The following CRISP1 variants were observed in gnomAD, a reference collection of about 807,000 sequenced individuals.
CRISP1 encodes cysteine rich secretory protein 1, also known as cysteine-rich secretory protein 1.
In CRISP1, 44 loss-of-function variants were observed where a neutral mutation model predicts 33.1. The ratio of observed to expected loss-of-function variants is 1.33; its 90% confidence interval spans 1.05 to 1.71. The LOEUF (loss-of-function observed/expected upper bound fraction) is 1.71, where lower values mean the gene tolerates loss of function less well. Ranked by LOEUF, CRISP1 falls within the 40% of genes most tolerant of loss-of-function variation. The pLI, the probability that CRISP1 is intolerant of heterozygous loss-of-function variation, is 0.00. For synonymous variants in CRISP1, 103 were observed against 98.7 expected, an observed-to-expected ratio of 1.04 and a Z score of -0.26; for missense variants, 390 against 301.2, an observed-to-expected ratio of 1.29 and a Z score of -2.18.
At chr6:49,850,782 C>T (rs1052975033) in intron 3 of CRISP1, among the ~76,000 whole-genome samples, 3 of 152,048 alleles carry the variant, frequency 2.0e-5, no homozygotes, top group Admixed American at 1.3e-4. Flanking sequence ...AATCTGAAAT[C>T]GGAGGCTATA....
intron 1 of CRISP1, among the ~76,000 whole-genome samples, chr6:49,862,571 C>T (rs1771682302): frequency 6.6e-6 from 1 of 151,856 alleles, no homozygotes; most frequent in Admixed American, 6.6e-5. Flanking sequence ...TTAAAAGCAT[C>T]CAGAAGAAAA....
chr6:49,835,683 A>G (rs1483686604), intron 7 of CRISP1, among the ~76,000 whole-genome samples: 1 of 152,222 alleles, frequency 6.6e-6, no homozygotes, highest in Non-Finnish European at 1.5e-5. Flanking sequence ...TTTTAAGTCC[A>G]ATATAAACAG....
chr6:49,861,953 A>G (rs946224554), intron 1 of CRISP1, among the ~76,000 whole-genome samples: 1 of 152,110 alleles, frequency 6.6e-6, no homozygotes, highest in African/African-American at 2.4e-5. Flanking sequence ...ATCACACTAA[A>G]TGGAGAAAAG....
At chr6:49,835,555 A>G in intron 7 of CRISP1, 112 bp from the exon 8 acceptor site, 1 of 1,040,658 alleles carries the variant, frequency 9.6e-7, no homozygotes, top group South Asian at 1.7e-5. Context: ...ACAATTGCTA[A>G]CTAAATTTAA....
At chr6:49,858,116 G>A (rs958116418) in intron 1 of CRISP1, among the ~76,000 whole-genome samples, 3 of 152,168 alleles carry the variant, frequency 2.0e-5, no homozygotes, top group Non-Finnish European at 4.4e-5. Context: ...CAGCTACAAA[G>A]AAGAGGAGTA....
upstream of CRISP1, among the ~76,000 whole-genome samples, chr6:49,871,384 C>T (rs1016790798): frequency 5.3e-5 from 8 of 152,138 alleles, no homozygotes; most frequent in Non-Finnish European, 1.0e-4. Context: ...GGTCACTCTA[C>T]AGGGAAGTAA....
intron 5 of CRISP1, among the ~76,000 whole-genome samples, chr6:49,842,742 C>G (rs189414750): frequency 4.7e-4 from 71 of 152,192 alleles, no homozygotes; most frequent in African/African-American, 1.7e-3. Flanking sequence ...AAATGAAGTT[C>G]CCATCTCTCA....
intron 1 of CRISP1, among the ~76,000 whole-genome samples, chr6:49,858,933 GT>G (rs1771568893): frequency 1.3e-5 from 2 of 152,054 alleles, no homozygotes; most frequent in Admixed American, 1.3e-4. Flanking sequence ...CAACAGATAA[GT>G]GACATGAAAC....
chr6:49,844,122 C>T (rs1351639053), intron 5 of CRISP1, among the ~76,000 whole-genome samples: 1 of 152,150 alleles, frequency 6.6e-6, no homozygotes, highest in African/African-American at 2.4e-5. Context: ...ATTAGCCCAT[C>T]TATATTGCAG....
intron 1 of CRISP1, among the ~76,000 whole-genome samples, chr6:49,873,472 C>T (rs2127480180): frequency 6.6e-6 from 1 of 152,074 alleles, no homozygotes; most frequent in South Asian, 2.1e-4. Flanking sequence ...ATAAAGCAAC[C>T]ACCCTAAAAT....
intron 5 of CRISP1, among the ~76,000 whole-genome samples, chr6:49,843,180 G>A (rs1241260783): frequency 6.6e-6 from 1 of 152,088 alleles, no homozygotes; most frequent in Non-Finnish European, 1.5e-5. Context: ...TAGCTTTCTA[G>A]ATATTTATTG....
rs114208252 is a variant in CRISP1 at position 49,874,596 on chromosome 6, G to A, written c.-3+2413C>T. Among the ~76,000 whole-genome samples, 444 of 152,006 alleles carry A rather than the reference G, an allele frequency of 2.9e-3. 6 individuals are homozygous for A. The highest frequency in any genetic ancestry group is 9.9e-3 in the African/African-American group (409 of 41,488). On this transcript the variant is annotated intron_variant, in intron 1 of 7. Transcript: ENST00000505118. ...ATACCAAAAATTTGGTAGAGATACA[G>A]CAACGACAACAAAAACTTCAGGTCA...
chr6:49,842,366 T>C (rs1277036796), intron 5 of CRISP1, among the ~76,000 whole-genome samples: 2 of 152,208 alleles, frequency 1.3e-5, no homozygotes, highest in African/African-American at 2.4e-5. Flanking sequence ...GTTCTCTCTC[T>C]ATATTAATTG....
upstream of CRISP1, among the ~76,000 whole-genome samples, chr6:49,870,446 T>G (rs1378777506): frequency 6.6e-6 from 1 of 152,072 alleles, no homozygotes; most frequent in East Asian, 1.9e-4. Flanking sequence ...GGTTGGAAAG[T>G]GAGGGAGCTG....
intron 4 of CRISP1, among the ~76,000 whole-genome samples, chr6:49,847,259 T>C (rs942164852): frequency 6.6e-6 from 1 of 152,186 alleles, no homozygotes; most frequent in Admixed American, 6.5e-5. Flanking sequence ...TAAAATATAA[T>C]GTTTATTCCT....
chr6:49,840,884 CTAA>C lies in CRISP1; in HGVS notation c.533+11_533+13del. 6.3e-7 allele frequency: 1 copy of C among 1,599,382 alleles called. No individual in the cohort carries two copies. Among genetic ancestry groups the C allele is most frequent in the South Asian group, 1.1e-5 (1 of 90,462 alleles). ...TTTAGGGGGATATATATTTTAAAAACTAATAATACATACTCATGACAATAGTGA... is the reference window on the plus strand; with the variant it reads ...TTTAGGGGGATATATATTTTAAAAACTAATACATACTCATGACAATAGTGA... On this transcript the variant is annotated intron_variant, in intron 6 of 7. Transcript: ENST00000335847.
At chr6:49,846,400 A>C in intron 5 of CRISP1, 120 bp downstream of exon 5, 1 of 1,022,124 alleles carries the variant, frequency 9.8e-7, no homozygotes, top group South Asian at 1.7e-5. Flanking sequence ...AGAGGAACTC[A>C]GTAAATTGAG....
chr6:49,849,871 T>C (rs1262387826), intron 3 of CRISP1, among the ~76,000 whole-genome samples: 1 of 150,488 alleles, frequency 6.6e-6, no homozygotes, highest in African/African-American at 2.4e-5. Context: ...TAGGTTTTGA[T>C]AGTTTCAAAC....
At chr6:49,864,263 ATAAT>A (rs1771736330) in intron 1 of CRISP1, among the ~76,000 whole-genome samples, 1 of 152,128 alleles carries the variant, frequency 6.6e-6, no homozygotes, top group Non-Finnish European at 1.5e-5. Flanking sequence ...TACACACAGT[ATAAT>A]TAATTTAATC....
Sources: gnomAD v4.1 joint callset for allele counts (sites outside exome capture counted in the v4.1 genomes callset) on GRCh38, gnomAD v4.1.1 for gene constraint, MANE v1.5 for transcripts, NCBI Gene and HGNC (gene_info 2026-07-23, HGNC 2026-07-21) for gene names.